SLC67A2: variants seen among roughly 807,000 people sequenced by gnomAD.
SLC67A2 encodes solute carrier family 67 member 2, also known as solute carrier family 67 member A2.
At chr2:102,730,659 C>T in the SLC67A2 span, among the ~76,000 whole-genome samples, 1 of 150,410 alleles carries the variant, frequency 6.6e-6, no homozygotes, top group Admixed American at 6.6e-5. Flanking sequence ...TCTCCTGCCT[C>T]AGCCTCCCGA....
chr2:102,728,534 C>T, the SLC67A2 span, among the ~76,000 whole-genome samples: 1 of 152,102 alleles, frequency 6.6e-6, no homozygotes, highest in East Asian at 1.9e-4. Context: ...TAAGGTAAAC[C>T]TTCCAAAATA....
At chr2:102,715,199 T>C in the SLC67A2 span, among the ~76,000 whole-genome samples, 1 of 152,176 alleles carries the variant, frequency 6.6e-6, no homozygotes, top group African/African-American at 2.4e-5. Flanking sequence ...GAGCTCTTTC[T>C]AAAACAGGAG....
the SLC67A2 span, chr2:102,718,317 T>C: frequency 1.4e-6 from 2 of 1,401,470 alleles, no homozygotes; most frequent in African/African-American, 2.9e-5. Flanking sequence ...CCCGGAAATA[T>C]TTCCCTTCCA....
At chr2:102,726,738 T>G in the SLC67A2 span, 6 of 1,444,504 alleles carry the variant, frequency 4.2e-6, no homozygotes, top group Non-Finnish European at 5.5e-6. Flanking sequence ...CAAGTAAGGA[T>G]GTTGAGCAAG....
chr2:102,736,841 G>A, the SLC67A2 span: 2 of 1,577,596 alleles, frequency 1.3e-6, no homozygotes, highest in East Asian at 2.3e-5. Context: ...GGACGCAGCA[G>A]CAGCCGCGGA....
chr2:102,723,681 C>T, the SLC67A2 span: 2 of 1,607,778 alleles, frequency 1.2e-6, no homozygotes, highest in African/African-American at 1.3e-5. Context: ...AAACAATCTT[C>T]TCATGATTGT....
chr2:102,727,353 G>A, the SLC67A2 span, among the ~76,000 whole-genome samples: 1 of 152,000 alleles, frequency 6.6e-6, no homozygotes, highest in Non-Finnish European at 1.5e-5. Context: ...AGAAAATACT[G>A]AAAAACAAAA....
At chr2:102,736,823 C>T in the SLC67A2 span, 12 of 1,592,142 alleles carry the variant, frequency 7.5e-6, no homozygotes, top group East Asian at 2.3e-5. Flanking sequence ...CCGCGCCGGC[C>T]GGGGGTCGGA....
At chr2:102,720,502 T>TATGTGTCAC in the SLC67A2 span, among the ~76,000 whole-genome samples, 4 of 152,152 alleles carry the variant, frequency 2.6e-5, no homozygotes, top group Non-Finnish European at 5.9e-5. Context: ...CTTCCAATAT[T>TATGTGTCAC]CATGGAGTTC....
At chr2:102,724,020 T>C in the SLC67A2 span, 1 of 919,788 alleles carries the variant, frequency 1.1e-6, no homozygotes, top group Non-Finnish European at 1.7e-6. Context: ...TCTGGTTTCT[T>C]TGGAAGGCAG....
chr2:102,724,850 G>T, the SLC67A2 span, among the ~76,000 whole-genome samples: 2 of 152,162 alleles, frequency 1.3e-5, no homozygotes, highest in Non-Finnish European at 2.9e-5. Flanking sequence ...TGTGCCTGAC[G>T]GCCAGCCTTT....
the SLC67A2 span, chr2:102,716,606 T>A: frequency 6.6e-6 from 1 of 152,250 alleles, no homozygotes; most frequent in African/African-American, 2.4e-5. Flanking sequence ...TTATTTATCA[T>A]AAATATTTGA....
chr2:102,727,963 C>T, the SLC67A2 span, among the ~76,000 whole-genome samples: 1 of 152,076 alleles, frequency 6.6e-6, no homozygotes, highest in African/African-American at 2.4e-5. Flanking sequence ...GGTAAGGCAG[C>T]ATTTCTGTCC....
the SLC67A2 span, chr2:102,719,098 C>T: frequency 1.9e-6 from 3 of 1,614,112 alleles, no homozygotes; most frequent in Middle Eastern, 1.6e-4. Context: ...TGGCTGCCTC[C>T]TGCACTGTGT....
chr2:102,719,083 G>T, the SLC67A2 span: 1 of 1,614,222 alleles, frequency 6.2e-7, no homozygotes, highest in Non-Finnish European at 8.5e-7. Flanking sequence ...TGGCTCTGCG[G>T]CTGGTGGCTG....
At chr2:102,714,913 G>C in the SLC67A2 span, among the ~76,000 whole-genome samples, 245 of 152,284 alleles carry the variant, frequency 1.6e-3, no homozygotes, top group African/African-American at 5.1e-3. Context: ...AAAATTTTCT[G>C]ACTGGACTGA....
At chr2:102,714,844 G>A in the SLC67A2 span, among the ~76,000 whole-genome samples, 1 of 152,182 alleles carries the variant, frequency 6.6e-6, no homozygotes, top group African/African-American at 2.4e-5. Context: ...CAGTCTCATG[G>A]CTTTTATTAT....
At chr2:102,725,644 C>T in the SLC67A2 span, among the ~76,000 whole-genome samples, 1 of 152,088 alleles carries the variant, frequency 6.6e-6, no homozygotes, top group African/African-American at 2.4e-5. Context: ...GACAACTGAC[C>T]ACATTTAAGC....
chr2:102,723,941 T>A, the SLC67A2 span: 13 of 1,557,576 alleles, frequency 8.3e-6, no homozygotes, highest in African/African-American at 1.4e-5. Context: ...GCTCTGTAAC[T>A]TTTTCCAGAC....
Sources: allele counts gnomAD v4.1 joint callset (sites outside exome capture counted in the v4.1 genomes callset), GRCh38; gene constraint gnomAD v4.1.1; transcripts MANE v1.5; gene names NCBI Gene and HGNC (gene_info 2026-07-23, HGNC 2026-07-21).